Variants in PTPRD observed in about 807,000 individuals in gnomAD.
The protein encoded by PTPRD is protein tyrosine phosphatase receptor type D.
In PTPRD, 34 loss-of-function variants were observed where a neutral mutation model predicts 214.5. The observed-to-expected ratio is 0.16, with a 90% CI of 0.12 to 0.21. The LOEUF (loss-of-function observed/expected upper bound fraction) is 0.21. Ranked by LOEUF, PTPRD falls within the 10% of genes least tolerant of loss-of-function variation. The probability of loss-of-function intolerance (pLI) is 1.00; values close to 1 mark genes in which losing one functional copy is unlikely to be tolerated. For missense variants in PTPRD, 2,545 were observed against 2,398.7 expected (o/e 1.06, Z -1.27); for synonymous variants, 1,128 against 845.7 (o/e 1.33, Z -5.79).
chr9:8,635,712 T>G (rs923889210), intron 13 of PTPRD, among the ~76,000 whole-genome samples: 1 of 152,082 alleles, frequency 6.6e-6, no homozygotes, highest in Admixed American at 6.6e-5. Context: ...TGAAGGAGAT[T>G]AGAAACTCAG....
intron 9 of PTPRD, among the ~76,000 whole-genome samples, chr9:9,225,732 G>C (rs1039370525): frequency 1.3e-5 from 2 of 152,052 alleles, no homozygotes; most frequent in African/African-American, 2.4e-5. Context: ...AAAGAAGTCA[G>C]CCTGGAGGAA....
At chr9:10,226,711 A>G (rs1039741358) in intron 3 of PTPRD, among the ~76,000 whole-genome samples, 5 of 152,054 alleles carry the variant, frequency 3.3e-5, no homozygotes, top group African/African-American at 9.7e-5. Context: ...TTTACAAATG[A>G]TAACATTGCC....
intron 10 of PTPRD, among the ~76,000 whole-genome samples, chr9:9,080,520 G>A (rs1171983304): frequency 6.6e-6 from 1 of 151,886 alleles, no homozygotes; most frequent in Non-Finnish European, 1.5e-5. Context: ...TTTGAGGTTG[G>A]TAAAATAATA....
intron 3 of PTPRD, among the ~76,000 whole-genome samples, chr9:10,137,632 C>A (rs1285788580): frequency 1.4e-5 from 1 of 72,496 alleles, no homozygotes; most frequent in African/African-American, 6.3e-5. Flanking sequence ...AGCGCACCAG[C>A]ATGGCACATG....
In PTPRD at chr9:9,681,563, C is replaced by T. The variant is rs1002205870; in HGVS notation, c.-287+52970G>A. On this transcript the variant is annotated intron_variant, in intron 7 of 45. Coordinates refer to ENST00000381196, the MANE Select transcript of PTPRD (RefSeq NM_002839.4). ...TGACCCCACCTATCAGGCCCCATCC[C>T]CTCCCCATGTGACCTTTTCTCACTT... is the stretch of plus-strand genomic sequence containing the variant. Among the ~76,000 whole-genome samples, 8 of 151,668 alleles carry T rather than the reference C, an allele frequency of 5.3e-5. No homozygotes were observed. In the Admixed American group the frequency reaches 5.3e-4, roughly 10 times the overall value.
intron 2 of PTPRD, among the ~76,000 whole-genome samples, chr9:10,483,914 C>G (rs891085511): frequency 6.6e-6 from 1 of 152,212 alleles, no homozygotes; most frequent in East Asian, 1.9e-4. Flanking sequence ...ACTGAGCAAA[C>G]CCACTACTGC....
chr9:8,505,783 T>C (rs1185366630), intron 22 of PTPRD, among the ~76,000 whole-genome samples: 1 of 152,150 alleles, frequency 6.6e-6, no homozygotes, highest in Non-Finnish European at 1.5e-5. Flanking sequence ...AATAAGCAAT[T>C]GTGGAGCACA....
At chr9:9,787,366 A>G (rs1159798526) in intron 5 of PTPRD, among the ~76,000 whole-genome samples, 2 of 151,626 alleles carry the variant, frequency 1.3e-5, no homozygotes, top group Admixed American at 6.6e-5. Context: ...ATGATGACAT[A>G]TAACGCATTG....
chr9:9,719,814 C>A (rs974790268), intron 7 of PTPRD, among the ~76,000 whole-genome samples: 6 of 152,224 alleles, frequency 3.9e-5, no homozygotes, highest in Non-Finnish European at 7.3e-5. Context: ...GCATTCCCCT[C>A]ATCCGGACAT....
chr9:9,267,200 CAAAT>C (rs1940303686), intron 9 of PTPRD, among the ~76,000 whole-genome samples: 1 of 150,938 alleles, frequency 6.6e-6, no homozygotes, highest in African/African-American at 2.4e-5. Context: ...AGCAAAAACT[CAAAT>C]AAAATCAGAA....
intron 34 of PTPRD, among the ~76,000 whole-genome samples, chr9:8,438,269 G>T (rs1350204981): frequency 6.6e-6 from 1 of 152,138 alleles, no homozygotes; most frequent in East Asian, 1.9e-4. Context: ...TAAGTAAAAA[G>T]CTACCCTGCT....
intron 8 of PTPRD, among the ~76,000 whole-genome samples, chr9:9,529,439 A>C (rs1316055934): frequency 6.6e-6 from 1 of 152,174 alleles, no homozygotes; most frequent in Non-Finnish European, 1.5e-5. Flanking sequence ...ACTCAATGTA[A>C]ACCCAAGAAA....
chr9:8,541,502 C>G (rs1187007744), intron 14 of PTPRD, among the ~76,000 whole-genome samples: 1 of 152,122 alleles, frequency 6.6e-6, no homozygotes, highest in African/African-American at 2.4e-5. Flanking sequence ...GCAGCTAGGA[C>G]CACAAGCACA....
intron 9 of PTPRD, among the ~76,000 whole-genome samples, chr9:9,265,204 T>G (rs1194285975): frequency 2.0e-5 from 3 of 151,650 alleles, no homozygotes; most frequent in Admixed American, 6.6e-5. Context: ...GACAAAAATA[T>G]TGAAAATAAA....
chr9:9,270,900 G>C (rs974261887), intron 9 of PTPRD, among the ~76,000 whole-genome samples: 1 of 151,212 alleles, frequency 6.6e-6, no homozygotes, highest in African/African-American at 2.4e-5. Context: ...GGGATAGGAG[G>C]AATCAAAGAA....
At chr9:9,284,957 T>C (rs1948890986) in intron 9 of PTPRD, among the ~76,000 whole-genome samples, 1 of 151,788 alleles carries the variant, frequency 6.6e-6, no homozygotes, top group Non-Finnish European at 1.5e-5. Flanking sequence ...TGTTAGACAA[T>C]GTCAAGCTAA....
At chr9:9,236,192 G>A (rs1163416360) in intron 9 of PTPRD, among the ~76,000 whole-genome samples, 1 of 152,110 alleles carries the variant, frequency 6.6e-6, no homozygotes, top group Non-Finnish European at 1.5e-5. Flanking sequence ...GGTGGAGGCT[G>A]CAGTGAGCCG....
intron 2 of PTPRD, among the ~76,000 whole-genome samples, chr9:10,437,177 T>C (rs1022482827): frequency 6.6e-6 from 1 of 151,816 alleles, no homozygotes; most frequent in Non-Finnish European, 1.5e-5. Context: ...CATGAGACTA[T>C]ATGAAATTTG....
intron 9 of PTPRD, among the ~76,000 whole-genome samples, chr9:9,376,241 G>C (rs1255829955): frequency 2.0e-5 from 3 of 152,048 alleles, no homozygotes; most frequent in African/African-American, 4.8e-5. Flanking sequence ...GTATAGGATA[G>C]GTAAAATTGT....
Sources: allele counts gnomAD v4.1 joint callset (sites outside exome capture counted in the v4.1 genomes callset), GRCh38; gene constraint gnomAD v4.1.1; transcripts MANE v1.5; gene names NCBI Gene and HGNC (gene_info 2026-07-23, HGNC 2026-07-21).